Variants in URI1 observed in about 807,000 individuals in gnomAD.
URI1 encodes the protein URI1 prefoldin like chaperone.
A neutral mutation model predicts 60.2 loss-of-function variants in URI1; 39 were observed. That is an observed-to-expected ratio of 0.65 (90% CI 0.50 to 0.85). The LOEUF (loss-of-function observed/expected upper bound fraction) is 0.85. Ranked by LOEUF, URI1 falls within the 40% of genes least tolerant of loss-of-function variation. The pLI, the probability that URI1 is intolerant of heterozygous loss-of-function variation, is 0.00. For missense variants in URI1, 691 were observed against 665.9 expected (o/e 1.04, Z -0.42); for synonymous variants, 251 against 236.8 (o/e 1.06, Z -0.55).
At chr19:29,966,188 C>T (rs974733710) in intron 1 of URI1, among the ~76,000 whole-genome samples, 1 of 151,980 alleles carries the variant, frequency 6.6e-6, no homozygotes, top group African/African-American at 2.4e-5. Flanking sequence ...TGTCTGTCTC[C>T]CAGGCTGGAG....
intron 2 of URI1, chr19:29,983,433 T>C (rs1304765981): frequency 6.6e-6 from 1 of 152,230 alleles, no homozygotes; most frequent in East Asian, 1.9e-4. Context: ...TATGCTACTG[T>C]TGCTTCAGGG....
chr19:30,003,896 A>G (rs929513826), intron 4 of URI1, among the ~76,000 whole-genome samples: 2 of 152,142 alleles, frequency 1.3e-5, no homozygotes, highest in African/African-American at 2.4e-5. Flanking sequence ...TAGACACATT[A>G]TCTGACTGAG....
intron 1 of URI1, among the ~76,000 whole-genome samples, chr19:29,927,743 AT>A (rs1401085035): frequency 1.3e-5 from 2 of 150,776 alleles, no homozygotes; most frequent in Non-Finnish European, 2.9e-5. Context: ...TGCCCAGCTA[AT>A]TTTTGTATTT....
intron 4 of URI1, among the ~76,000 whole-genome samples, chr19:29,995,468 TC>T (rs1481073074): frequency 1.3e-5 from 2 of 152,016 alleles, no homozygotes; most frequent in African/African-American, 2.4e-5. Context: ...TGGATATTAG[TC>T]CCTTATCAGA....
At position 30,015,230 on chromosome 19, in the gene URI1, AG is replaced by A. The variant is rs1188278663; in HGVS notation, c.*163del. On this transcript the variant is annotated 3_prime_UTR_variant, in exon 11 of 11. Coordinates refer to ENST00000392271, the MANE Select transcript of URI1 (RefSeq NM_003796.3). Reference sequence around the variant, plus strand: ...TACCCGTGGTATTTGAAAAAAATCAAGGTAACTGTCTGAATACTTTAATATC... The same window carrying A: ...TACCCGTGGTATTTGAAAAAAATCAAGTAACTGTCTGAATACTTTAATATC... The A allele has an allele frequency of 4.5e-5, 64 of 1,420,622 alleles. No homozygotes were observed. The highest frequency in any genetic ancestry group is 4.6e-6 in the Non-Finnish European group (5 of 1,091,350). 88.0% of individuals were successfully genotyped at this position (1,420,622 alleles called of 1,614,324 possible).
intron 10 of URI1, among the ~76,000 whole-genome samples, chr19:30,013,343 A>T (rs909746329): frequency 6.6e-6 from 1 of 152,176 alleles, no homozygotes; most frequent in Non-Finnish European, 1.5e-5. Context: ...TATTATACTC[A>T]GTGTATTAAA....
chr19:29,975,844 A>G (rs537537355), intron 2 of URI1, among the ~76,000 whole-genome samples: 1 of 152,020 alleles, frequency 6.6e-6, no homozygotes, highest in South Asian at 2.1e-4. Flanking sequence ...TTTTTTACCA[A>G]TTTCTCATAA....
chr19:29,947,963 G>A (rs2055123114), intron 1 of URI1, among the ~76,000 whole-genome samples: 1 of 152,164 alleles, frequency 6.6e-6, no homozygotes, highest in Admixed American at 6.5e-5. Flanking sequence ...TTGTATATGG[G>A]GGAGATTGAG....
rs2054964136 is a variant in URI1, at chr19:29,935,714, T to TTTTTTTTTTTTTTTTTTTTTC, written c.63+11960_63+11961insTTTTTTTTTTTTTTTTTTTTC. ...TGGTTGACAGTCTTTTTTTTTTTTT[T>TTTTTTTTTTTTTTTTTTTTTC]CCCCAGGACTTTAACTGTGTTATTC... On this transcript the variant is annotated intron_variant, in intron 1 of 10. Transcript: ENST00000360605. Among the ~76,000 whole-genome samples, 4 of 149,240 alleles carry TTTTTTTTTTTTTTTTTTTTTC rather than the reference T, an allele frequency of 2.7e-5. No homozygotes were observed. The East Asian group carries it at 8.1e-4, about 30-fold the overall frequency.
intron 1 of URI1, among the ~76,000 whole-genome samples, chr19:29,943,642 A>G (rs2055061335): frequency 6.6e-6 from 1 of 152,150 alleles, no homozygotes; most frequent in Non-Finnish European, 1.5e-5. Flanking sequence ...AAATATACTC[A>G]GTTCTACTAG....
chr19:29,931,852 G>A (rs2054920156), intron 1 of URI1, among the ~76,000 whole-genome samples: 1 of 149,544 alleles, frequency 6.7e-6, no homozygotes, highest in African/African-American at 2.5e-5. Context: ...TATAGAAACT[G>A]ATTCTTGTGT....
chr19:29,992,766 G>A (rs761575751), intron 4 of URI1, among the ~76,000 whole-genome samples: 1 of 152,170 alleles, frequency 6.6e-6, no homozygotes, highest in Non-Finnish European at 1.5e-5. Flanking sequence ...AAAAGACCAG[G>A]ATTTAATCAG....
chr19:29,926,283 C>T (rs2054867038), intron 1 of URI1, among the ~76,000 whole-genome samples: 1 of 141,498 alleles, frequency 7.1e-6, no homozygotes, highest in Admixed American at 7.2e-5. Flanking sequence ...TTCCTTCCTT[C>T]CTACCTTCTT....
At chr19:29,943,358 A>T (rs898231395) in intron 1 of URI1, among the ~76,000 whole-genome samples, 1 of 152,184 alleles carries the variant, frequency 6.6e-6, no homozygotes, top group African/African-American at 2.4e-5. Context: ...ACTTTATATA[A>T]AGAAGTATTC....
chr19:29,979,745 C>G (rs1308836629), intron 2 of URI1, among the ~76,000 whole-genome samples: 2 of 152,106 alleles, frequency 1.3e-5, no homozygotes, highest in African/African-American at 4.8e-5. Flanking sequence ...ATTATTTCAT[C>G]AGCATCTTCT....
At chr19:29,975,667 C>G (rs563809428) in intron 2 of URI1, among the ~76,000 whole-genome samples, 108 of 152,210 alleles carry the variant, frequency 7.1e-4, no homozygotes, top group Admixed American at 1.3e-3. Flanking sequence ...CCATGCCCAG[C>G]TAATTTTTTT....
intron 7 of URI1, among the ~76,000 whole-genome samples, chr19:30,007,896 A>G (rs1477136197): frequency 3.3e-5 from 5 of 152,038 alleles, no homozygotes; most frequent in Non-Finnish European, 7.4e-5. Flanking sequence ...ATTTTTTATT[A>G]TGGCCTATTT....
chr19:29,956,819 A>G, intron 1 of URI1: 2 of 1,592,300 alleles, frequency 1.3e-6, no homozygotes, highest in South Asian at 1.1e-5. Context: ...CCATTTGTCA[A>G]CCCGGAGCCT....
At chr19:29,979,511 C>A (rs1454805506) in intron 2 of URI1, among the ~76,000 whole-genome samples, 1 of 152,108 alleles carries the variant, frequency 6.6e-6, no homozygotes, top group African/African-American at 2.4e-5. Flanking sequence ...AACAGTAGAA[C>A]AGATTTTTCT....
Sources: gnomAD v4.1 joint callset for allele counts (sites outside exome capture counted in the v4.1 genomes callset) on GRCh38, gnomAD v4.1.1 for gene constraint, MANE v1.5 for transcripts, NCBI Gene and HGNC (gene_info 2026-07-23, HGNC 2026-07-21) for gene names.